The following LMAN1L variants were observed in gnomAD, a reference collection of about 807,000 sequenced individuals.
LMAN1L encodes lectin, mannose binding 1 like.
LMAN1L carries 60 observed loss-of-function variants against 58.3 expected under a neutral mutation model. That is an observed-to-expected ratio of 1.03 (90% CI 0.84 to 1.27). The LOEUF (loss-of-function observed/expected upper bound fraction) is 1.27, where lower values mean the gene tolerates loss of function less well. Among genes scored for constraint, LMAN1L ranks in the 50% most tolerant of loss-of-function variants. The probability of loss-of-function intolerance (pLI) is 0.00; values close to 1 mark genes in which losing one functional copy is unlikely to be tolerated. For synonymous variants in LMAN1L, 280 were observed against 271.6 expected (o/e 1.03, Z -0.31); for missense variants, 629 against 674.0 (o/e 0.93, Z 0.74).
rs140099489 is a variant in LMAN1L at position 74,818,757 on chromosome 15, C to T, written c.537C>T (p.Asp179=). The stretch of plus-strand genomic sequence containing the variant: ...AAGGGCTGGGCTCCTGTCATTGGGA[C>T]TTCCGGAACCGGCCACACCCCTTCA... The part of the protein sequence containing the change: ...ASQGLGSCHW[D]FRNRPHPFRA... Residue 179 remains aspartate (D), a synonymous_variant, in exon 5 of 14, where the codon GAC becomes GAT. Transcript: ENST00000309664. The T allele has an allele frequency of 4.5e-4, 722 of 1,611,824 alleles. 4 individuals are homozygous for T. In the African/African-American group the frequency reaches 4.8e-3, roughly 11 times the overall value.
At chr15:74,816,836 C>T in intron 4 of LMAN1L, 146 bp downstream of exon 4, 2 of 738,040 alleles carry the variant, frequency 2.7e-6, no homozygotes, top group Non-Finnish European at 4.3e-6. Context: ...CTCACTTAGC[C>T]GACGTCCGCC....
chr15:74,824,475 T>C lies in LMAN1L; in HGVS notation c.1448T>C (p.Phe483Ser). 1.9e-6 allele frequency: 3 copies of C among 1,614,156 alleles called. No homozygotes were observed. Among genetic ancestry groups the C allele is most frequent in the South Asian group, 2.2e-5 (2 of 91,084 alleles). ...QTVGFFGYVH[F>S]RQELNKSLQE... ...GTAGGCTTCTTCGGCTACGTGCACT[T>C]CAGGTGGGCCACCCCGTGAGCAGGA... is the stretch of plus-strand genomic sequence containing the variant. Residue 483 changes from phenylalanine to serine, a missense_variant, in exon 13 of 14, where the codon TTC becomes TCC. Around this residue, in one of 3 missense-constraint regions of LMAN1L, gnomAD observed 53 missense variants for 59.7 expected, o/e 0.89. Transcript: ENST00000309664.
At chr15:74,816,946 C>T (rs546844219) in intron 4 of LMAN1L, among the ~76,000 whole-genome samples, 1 of 152,322 alleles carries the variant, frequency 6.6e-6, no homozygotes, top group South Asian at 2.1e-4. Context: ...CATCCCATCT[C>T]CAACACCCTC....
At chr15:74,813,485 T>G (rs1399015761) in intron 1 of LMAN1L, 1 of 457,062 alleles carries the variant, frequency 2.2e-6, no homozygotes, top group Non-Finnish European at 4.4e-6. Flanking sequence ...CCCAGGTGAG[T>G]GGGCACCAGC....
At position 74,823,839 on chromosome 15, in the gene LMAN1L, G is replaced by A. The variant is rs540173332; in HGVS notation, c.1323+157G>A. The A allele has an allele frequency of 3.4e-5, 26 of 768,944 alleles. No individual in the cohort carries two copies. In the Admixed American group the frequency reaches 6.7e-4, roughly 20 times the overall value. The allele number at this position is 768,944 out of a possible 1,614,324, so 47.6% of individuals were successfully genotyped here. A position where few individuals can be genotyped will look rare whatever the true frequency, so the allele number is the denominator to read the frequency against. On this transcript the variant is annotated intron_variant, in intron 12 of 13. Transcript: ENST00000309664. ...CATCTGTGCCTGCGTCAGTGTCTGT[G>A]TGTCCGTGCATACGTGCCACCACAC...
At chr15:74,817,529 G>A (rs1187178216) in intron 4 of LMAN1L, among the ~76,000 whole-genome samples, 1 of 152,172 alleles carries the variant, frequency 6.6e-6, no homozygotes, top group Non-Finnish European at 1.5e-5. Flanking sequence ...GACACTCAGC[G>A]TTTAACACTC....
intron 1 of LMAN1L, among the ~76,000 whole-genome samples, chr15:74,814,944 G>C (rs1323800692): frequency 6.6e-6 from 1 of 152,232 alleles, no homozygotes; most frequent in East Asian, 1.9e-4. Context: ...GACCAGGATG[G>C]CAAAACTTAT....
At chr15:74,821,943 C>A in intron 10 of LMAN1L, 43 bp downstream of exon 10, 1 of 1,383,242 alleles carries the variant, frequency 7.2e-7, no homozygotes, top group Non-Finnish European at 1.0e-6. Context: ...CTGGCCCCAG[C>A]TTGGCTGGTG....
chr15:74,821,900 G>A lies in LMAN1L; in HGVS notation c.1131G>A (p.Lys377=). The part of the protein sequence containing the change: ...RGGHLSMSLN[K]DSAKVGALLH... ...GCCACCTCTCCATGTCACTCAATAA[G>A]GTAGGGACCCAAACACTGGGTGTTG... The change falls in exon 10 of 14, where the codon AAG becomes AAA. Residue 377 remains lysine, a splice_region_variant and synonymous_variant. Transcript: ENST00000309664. 1 of 1,604,142 alleles carries A rather than the reference G, an allele frequency of 6.2e-7. No individual in the cohort carries two copies. Among genetic ancestry groups the A allele is most frequent in the Non-Finnish European group, 8.5e-7 (1 of 1,171,274 alleles).
At position 74,816,428 on chromosome 15, in the gene LMAN1L, C is replaced by A; in HGVS notation, c.332C>A (p.Ala111Asp). 6.4e-7 allele frequency: 1 copy of A among 1,560,444 alleles called. No homozygotes were observed. The highest frequency in any genetic ancestry group is 8.7e-7 in the Non-Finnish European group (1 of 1,149,470). ...AGCTGAGGGGCTGGGGACCTGCAGGCCGTGTGGTACACCCGGGGCAGGGGC... is the reference window on the plus strand; with the variant it reads ...AGCTGAGGGGCTGGGGACCTGCAGGACGTGTGGTACACCCGGGGCAGGGGC... ...GLGRRGAQGM[A>D]VWYTRGRGHV... The change falls in exon 3 of 14, where the codon GCC becomes GAC. Residue 111 changes from alanine to aspartate, a missense_variant and splice_region_variant. By Grantham distance (126) the Ala-to-Asp change is moderately radical. Around this residue, in one of 3 missense-constraint regions of LMAN1L, gnomAD observed 573 missense variants for 597.3 expected, o/e 0.96. Transcript: ENST00000309664.
rs1203054684 is a variant in LMAN1L, at chr15:74,823,541, G to C, written c.1200-18G>C. On this transcript the variant is annotated intron_variant, in intron 11 of 13. Coordinates refer to ENST00000309664, the MANE Select transcript of LMAN1L (RefSeq NM_021819.3). ...AAGAGGTAATGAGTCATCTTACTTG[G>C]TTACCACCCCCGGTTAGGGATGCAG... The C allele has an allele frequency of 6.2e-7, 1 of 1,613,180 alleles. No homozygotes were observed. The highest frequency in any genetic ancestry group is 8.5e-7 in the Non-Finnish European group (1 of 1,179,684).
rs762731178 is a variant in LMAN1L, at chr15:74,821,866, G to C, written c.1097G>C (p.Gly366Ala). The change falls in exon 10 of 14, where the codon GGG becomes GCG. Residue 366 changes from glycine to alanine, a missense_variant. Around this residue, in one of 3 missense-constraint regions of LMAN1L, gnomAD observed 573 missense variants for 597.3 expected, o/e 0.96. Coordinates refer to ENST00000309664, the MANE Select transcript of LMAN1L (RefSeq NM_021819.3). The stretch of plus-strand genomic sequence containing the variant: ...TCCTGCCAGATTCCATCCACCCCAG[G>C]GAGGGGTGGCCACCTCTCCATGTCA... ...DASCQIPSTP[G>A]RGGHLSMSLN... 1 of 1,612,726 alleles carries C rather than the reference G, an allele frequency of 6.2e-7. No homozygotes were observed. The highest frequency in any genetic ancestry group is 8.5e-7 in the Non-Finnish European group (1 of 1,179,034).
intron 12 of LMAN1L, 65 bp from the exon 13 acceptor site, chr15:74,824,286 A>C (rs879909888): frequency 5.5e-5 from 83 of 1,510,040 alleles, no homozygotes; most frequent in Non-Finnish European, 7.3e-5. Flanking sequence ...CATGGCCTAG[A>C]TTCCAGGTCC....
chr15:74,820,387 G>A (rs2063910850), intron 7 of LMAN1L: 1 of 625,130 alleles, frequency 1.6e-6, no homozygotes, highest in East Asian at 2.7e-5. Flanking sequence ...CCAGCCAGGG[G>A]GTCAAGGAAG....
chr15:74,820,417 C>A, intron 7 of LMAN1L: 2 of 667,978 alleles, frequency 3.0e-6, no homozygotes, highest in South Asian at 1.8e-5. Flanking sequence ...AGGAGATGAG[C>A]TTAAAGGAGC....
Position 74,825,650 on chromosome 15 carries a change from C to A in LMAN1L, c.*45C>A. On this transcript the variant is annotated 3_prime_UTR_variant, in exon 14 of 14. Transcript: ENST00000309664. ...TGCATCACTGGGAAGCAGGCAGTGT[C>A]TTGGGTGGGGGCTTGGTCAGTATCC... is the stretch of plus-strand genomic sequence containing the variant. 6.3e-7 allele frequency: 1 copy of A among 1,584,594 alleles called. No individual in the cohort carries two copies. The highest frequency in any genetic ancestry group is 1.1e-5 in the South Asian group (1 of 90,094).
intron 6 of LMAN1L, 126 bp downstream of exon 6, chr15:74,819,398 C>T (rs867572367): frequency 3.1e-6 from 4 of 1,270,476 alleles, no homozygotes; most frequent in Non-Finnish European, 3.2e-6. Context: ...TTCTGTGACC[C>T]TTGGGAGAAG....
At position 74,825,650 on chromosome 15, in the gene LMAN1L, C is replaced by T. The variant is rs1356746704; in HGVS notation, c.*45C>T. The T allele has an allele frequency of 6.3e-7, 1 of 1,584,594 alleles. No homozygotes were observed. The highest frequency in any genetic ancestry group is 8.6e-7 in the Non-Finnish European group (1 of 1,161,846). ...TGCATCACTGGGAAGCAGGCAGTGT[C>T]TTGGGTGGGGGCTTGGTCAGTATCC... On this transcript the variant is annotated 3_prime_UTR_variant, in exon 14 of 14. Transcript: ENST00000309664.
chr15:74,816,200 G>T lies in LMAN1L; in HGVS notation c.219G>T (p.Met73Ile). 1 of 1,563,476 alleles carries T rather than the reference G, an allele frequency of 6.4e-7. No homozygotes were observed. The highest frequency in any genetic ancestry group is 8.7e-7 in the Non-Finnish European group (1 of 1,154,368). ...AGGAAGTGCGGCTGACGCCATCCATGAGGAACCGGAGTGGCGCCGTGTGGA... is the reference window on the plus strand; with the variant it reads ...AGGAAGTGCGGCTGACGCCATCCATTAGGAACCGGAGTGGCGCCGTGTGGA... ...GLEEVRLTPSMRNRSGAVWSR... is the reference protein window; with the variant it reads ...GLEEVRLTPSIRNRSGAVWSR... Residue 73 changes from methionine (M) to isoleucine (I), a missense_variant, in exon 2 of 14, where the codon ATG becomes ATT. Met to Ile is a conservative substitution (Grantham distance 10). Coordinates refer to ENST00000309664, the MANE Select transcript of LMAN1L (RefSeq NM_021819.3).
Sources: allele counts gnomAD v4.1 joint callset (sites outside exome capture counted in the v4.1 genomes callset), GRCh38; gene constraint gnomAD v4.1.1; regional missense constraint gnomAD v4.1.1; transcripts MANE v1.5; gene names NCBI Gene and HGNC (gene_info 2026-07-23, HGNC 2026-07-21).